NUP133: variants seen among roughly 807,000 people sequenced by gnomAD.
NUP133 encodes the protein nuclear pore complex protein Nup133.
NUP133 carries 66 observed loss-of-function variants against 146.2 expected under a neutral mutation model. The ratio of observed to expected loss-of-function variants is 0.45; its 90% CI spans 0.37 to 0.55. The LOEUF (loss-of-function observed/expected upper bound fraction) is 0.55. Among genes scored for constraint, NUP133 ranks in the 20% least tolerant of loss-of-function variants. NUP133 has a pLI of 0.00. For missense variants in NUP133, 1,277 were observed against 1,374.8 expected, an observed-to-expected ratio of 0.93 and a Z score of 1.12; for synonymous variants, 521 against 498.8, an observed-to-expected ratio of 1.04 and a Z score of -0.59.
intron 20 of NUP133, among the ~76,000 whole-genome samples, chr1:229,459,816 T>C (rs1026670898): frequency 2.0e-5 from 3 of 152,206 alleles, no homozygotes; most frequent in African/African-American, 7.2e-5. Context: ...AATGCTGCAA[T>C]GAACATGGGA....
intron 8 of NUP133, among the ~76,000 whole-genome samples, chr1:229,494,169 T>C (rs1661593791): frequency 6.6e-6 from 1 of 152,150 alleles, no homozygotes; most frequent in African/African-American, 2.4e-5. Context: ...GTCTGTATTA[T>C]ATGCCCATAG....
In NUP133 at chr1:229,441,922, ATAATAT is replaced by A; in HGVS notation, c.3447_3452del (p.Glu1149_Tyr1151delinsAsp). ...GAAAAAGTTATATTTGTCCCTGAAC[ATAATAT>A]TCATAATTTGCTTTCAAAACAAACT... is the stretch of plus-strand genomic sequence containing the variant. On this transcript the variant is annotated inframe_deletion, in exon 26 of 26. Transcript: ENST00000261396. 6.3e-7 allele frequency: 1 copy of A among 1,580,366 alleles called. No homozygotes were observed. Among genetic ancestry groups the A allele is most frequent in the Non-Finnish European group, 8.5e-7 (1 of 1,169,894 alleles).
chr1:229,480,360 T>C (rs1374280320), intron 12 of NUP133, among the ~76,000 whole-genome samples: 1 of 152,138 alleles, frequency 6.6e-6, no homozygotes, highest in Non-Finnish European at 1.5e-5. Context: ...AGGGTGAAGC[T>C]GGTGACCCAG....
chr1:229,491,384 C>T (rs183202900), intron 8 of NUP133, among the ~76,000 whole-genome samples: 2 of 152,184 alleles, frequency 1.3e-5, no homozygotes, highest in Non-Finnish European at 2.9e-5. Context: ...ATGGCTCACA[C>T]CTGTAATCCC....
chr1:229,467,268 T>C (rs749889310), intron 15 of NUP133, among the ~76,000 whole-genome samples: 2 of 152,236 alleles, frequency 1.3e-5, no homozygotes, highest in Non-Finnish European at 2.9e-5. Context: ...CATTAATTAA[T>C]ACATGGAGAT....
At chr1:229,448,587 G>A (rs1013402059) in intron 24 of NUP133, among the ~76,000 whole-genome samples, 2 of 152,120 alleles carry the variant, frequency 1.3e-5, no homozygotes, top group African/African-American at 2.4e-5. Context: ...AGCCCACGCC[G>A]CTGCTCTGTG....
intron 14 of NUP133, among the ~76,000 whole-genome samples, chr1:229,474,569 T>C (rs948041355): frequency 3.9e-5 from 6 of 152,246 alleles, no homozygotes; most frequent in Non-Finnish European, 7.4e-5. Flanking sequence ...CACTGTCCAA[T>C]AAGGTAGCCA....
At chr1:229,487,321 G>T in intron 10 of NUP133, 145 bp downstream of exon 10, 1 of 743,272 alleles carries the variant, frequency 1.3e-6, no homozygotes, top group Non-Finnish European at 2.1e-6. Context: ...TAGGGTTATG[G>T]CTTCAGCTGC....
intron 21 of NUP133, among the ~76,000 whole-genome samples, chr1:229,456,705 G>C (rs1287711391): frequency 6.6e-6 from 1 of 151,606 alleles, no homozygotes; most frequent in Non-Finnish European, 1.5e-5. Context: ...ACGTATGTGT[G>C]TGTGTGTATA....
At chr1:229,451,804 T>C (rs1361209308) in intron 22 of NUP133, among the ~76,000 whole-genome samples, 4 of 152,190 alleles carry the variant, frequency 2.6e-5, no homozygotes, top group Admixed American at 6.5e-5. Flanking sequence ...AATTGGACTG[T>C]GGTATTAAAA....
intron 8 of NUP133, among the ~76,000 whole-genome samples, chr1:229,494,884 T>C (rs1373787654): frequency 2.0e-5 from 3 of 152,184 alleles, no homozygotes; most frequent in African/African-American, 7.2e-5. Context: ...CAGTGGGCAA[T>C]GACAGGGTCT....
At chr1:229,500,958 C>A in intron 3 of NUP133, 95 bp from the exon 4 acceptor site, 1 of 701,314 alleles carries the variant, frequency 1.4e-6, no homozygotes, top group Non-Finnish European at 2.4e-6. Flanking sequence ...TAGATTCTGA[C>A]TCACTGCTGG....
chr1:229,483,676 GC>G (rs1418945099), intron 12 of NUP133, among the ~76,000 whole-genome samples: 6 of 132,212 alleles, frequency 4.5e-5, no homozygotes, highest in African/African-American at 1.7e-4. Context: ...CTGCACTCTA[GC>G]CTGGGCGACG....
At chr1:229,487,794 A>G (rs954437448) in intron 9 of NUP133, among the ~76,000 whole-genome samples, 181 bp from the exon 10 acceptor site, 4 of 152,008 alleles carry the variant, frequency 2.6e-5, no homozygotes, top group Non-Finnish European at 4.4e-5. Flanking sequence ...ATAAACATCA[A>G]TTAGACATAT....
At chr1:229,451,587 A>G (rs557781408) in intron 22 of NUP133, among the ~76,000 whole-genome samples, 92 of 152,318 alleles carry the variant, frequency 6.0e-4, no homozygotes, top group Admixed American at 1.8e-3. Context: ...CTTATTAAAA[A>G]TATCAATTTG....
Position 229,505,578 on chromosome 1 carries a change from A to C in NUP133, c.301+462T>G, listed in dbSNP as rs535118083. The stretch of plus-strand genomic sequence containing the variant: ...TCAATTACAGTTAAAAAAAAAAAAA[A>C]AAAAAAAAAAAAAAACTAAGACAGG... On this transcript the variant is annotated intron_variant, in intron 2 of 25. Transcript: ENST00000261396. Among the ~76,000 whole-genome samples, 8 of 147,944 alleles carry C rather than the reference A, an allele frequency of 5.4e-5. 1 individual carries two copies. In the South Asian group the frequency reaches 1.7e-3, roughly 32 times the overall value.
rs372362492 is a variant in NUP133, at chr1:229,472,707, C to CATATAT, written c.1852-1909_1852-1904dup. Among the ~76,000 whole-genome samples the CATATAT allele has an allele frequency of 3.0e-3, 368 of 124,298 alleles. 20 individuals carry two copies. Among genetic ancestry groups the CATATAT allele is most frequent in the African/African-American group, 8.3e-3 (267 of 31,982 alleles). 81.5% of individuals were successfully genotyped at this position (124,298 alleles called of 152,430 possible). ...CAAAAAAATTAAAAAACTAAATATA[C>CATATAT]ATATATATATATATATATATGTACA... On this transcript the variant is annotated intron_variant, in intron 14 of 25. Transcript: ENST00000261396.
chr1:229,496,977 T>C (rs977577447), intron 6 of NUP133, among the ~76,000 whole-genome samples: 8 of 152,224 alleles, frequency 5.3e-5, no homozygotes, highest in Non-Finnish European at 1.2e-4. Flanking sequence ...TGTATGTAGT[T>C]AGTCATGAAG....
chr1:229,506,467 T>TTC (rs1553261122), intron 1 of NUP133, among the ~76,000 whole-genome samples: 1 of 151,136 alleles, frequency 6.6e-6, no homozygotes, highest in Non-Finnish European at 1.5e-5. Flanking sequence ...TTTTTTTTTT[T>TTC]CAAACAGCGG....
Sources: allele counts gnomAD v4.1 joint callset (sites outside exome capture counted in the v4.1 genomes callset), GRCh38; gene constraint gnomAD v4.1.1; transcripts MANE v1.5; gene names NCBI Gene and HGNC (gene_info 2026-07-23, HGNC 2026-07-21).